DHX57: variants seen among roughly 807,000 people sequenced by gnomAD.
DHX57 encodes the protein DExH-box helicase 57, also known as putative ATP-dependent RNA helicase DHX57.
A neutral mutation model predicts 156.2 loss-of-function variants in DHX57; 105 were observed. That is an observed-to-expected ratio of 0.67 (90% CI 0.57 to 0.79). The LOEUF is 0.79. Ranked by LOEUF, DHX57 falls within the 30% of genes least tolerant of loss-of-function variation. The probability of loss-of-function intolerance (pLI) is 0.00; values close to 1 mark genes in which losing one functional copy is unlikely to be tolerated. For synonymous variants in DHX57, 704 were observed against 595.6 expected (o/e 1.18, Z -2.65); for missense variants, 1,847 against 1,661.9 (o/e 1.11, Z -1.94).
At chr2:38,811,302 G>C (rs1022947132) in intron 21 of DHX57, 1 of 526,062 alleles carries the variant, frequency 1.9e-6, no homozygotes, top group Admixed American at 2.2e-5. Flanking sequence ...AACCAGACCT[G>C]ATCGTTCCCC....
intron 13 of DHX57, among the ~76,000 whole-genome samples, chr2:38,834,698 T>C (rs1671563763): frequency 6.6e-6 from 1 of 152,032 alleles, no homozygotes. Context: ...AGTCATGACA[T>C]CACAAGCAAA....
rs374119423 is a variant in DHX57 at position 38,855,125 on chromosome 2, C to T, written c.1837G>A (p.Val613Ile). ...ACCCTCTCTGCTCTTTCTTTAGCAACGCGTTCAGCAACAGAGATTGCAGAG... is the reference window on the plus strand; with the variant it reads ...ACCCTCTCTGCTCTTTCTTTAGCAATGCGTTCAGCAACAGAGATTGCAGAG... ...RISAISVAER[V>I]AKERAERVGL... The change falls in exon 8 of 24, where the codon GTT becomes ATT. Residue 613 changes from valine (V) to isoleucine (I), a missense_variant. Val to Ile is a conservative substitution (Grantham distance 29). Transcript: ENST00000457308. 1.1e-5 allele frequency: 18 copies of T among 1,613,972 alleles called. No individual in the cohort carries two copies. The highest frequency in any genetic ancestry group is 1.6e-4 in the Middle Eastern group (1 of 6,084).
chr2:38,869,695 A>G (rs1665264920), intron 1 of DHX57, among the ~76,000 whole-genome samples: 1 of 152,234 alleles, frequency 6.6e-6, no homozygotes, highest in Non-Finnish European at 1.5e-5. Context: ...TAAACCAGCA[A>G]ATAACAATAA....
chr2:38,873,356 T>C (rs533386930), intron 1 of DHX57, among the ~76,000 whole-genome samples: 1 of 152,212 alleles, frequency 6.6e-6, no homozygotes, highest in Non-Finnish European at 1.5e-5. Context: ...AAAATGGAAT[T>C]AGAAATCAAA....
chr2:38,851,253 A>G (rs902223050), intron 9 of DHX57, among the ~76,000 whole-genome samples: 3 of 152,192 alleles, frequency 2.0e-5, no homozygotes, highest in African/African-American at 7.2e-5. Flanking sequence ...ACATGTAACT[A>G]GCAATTTTAT....
chr2:38,799,730 AC>A (rs1669578692), intron 23 of DHX57, among the ~76,000 whole-genome samples: 1 of 137,772 alleles, frequency 7.3e-6, no homozygotes, highest in Non-Finnish European at 1.5e-5. Flanking sequence ...AGCCTGGGCA[AC>A]AAGAGCAAAA....
Position 38,815,506 on chromosome 2 carries a change from CTCCACAT to C in DHX57, c.3606+8_3606+14del. The stretch of plus-strand genomic sequence containing the variant: ...CTAATTAAAGAGAAATGAGAACCAA[CTCCACAT>C]TCTTTACCTCTTCTCCTGTGGCATC... On this transcript the variant is annotated splice_region_variant and intron_variant, in intron 20 of 23. Transcript: ENST00000457308. The C allele has an allele frequency of 1.9e-6, 3 of 1,613,856 alleles. No homozygotes were observed. The highest frequency in any genetic ancestry group is 2.5e-6 in the Non-Finnish European group (3 of 1,179,840).
intron 11 of DHX57, among the ~76,000 whole-genome samples, chr2:38,846,426 G>C (rs1672290979): frequency 6.6e-6 from 1 of 151,844 alleles, no homozygotes; most frequent in Admixed American, 6.6e-5. Context: ...TTTGAGACCA[G>C]CCTGGGCAAC....
At chr2:38,871,288 T>C (rs1045838156) in intron 1 of DHX57, among the ~76,000 whole-genome samples, 1 of 152,182 alleles carries the variant, frequency 6.6e-6, no homozygotes. Context: ...GAAGGTAATA[T>C]GTATGTAATA....
intron 23 of DHX57, among the ~76,000 whole-genome samples, chr2:38,799,322 C>T (rs1281767136): frequency 6.6e-6 from 1 of 150,580 alleles, no homozygotes; most frequent in Non-Finnish European, 1.5e-5. Context: ...GCCAAGATTG[C>T]GCCATTGCAC....
intron 12 of DHX57, among the ~76,000 whole-genome samples, chr2:38,841,750 A>G (rs1488345564): frequency 1.3e-5 from 2 of 152,196 alleles, no homozygotes; most frequent in African/African-American, 4.8e-5. Flanking sequence ...TTCAAGGAAG[A>G]AAGCAAAAGT....
chr2:38,871,995 A>T (rs1379106838), intron 1 of DHX57, among the ~76,000 whole-genome samples: 2 of 152,160 alleles, frequency 1.3e-5, no homozygotes, highest in African/African-American at 4.8e-5. Context: ...GGCGTGAGCC[A>T]CCGCGCCCGG....
At chr2:38,834,073 T>C (rs1275870715) in intron 13 of DHX57, among the ~76,000 whole-genome samples, 1 of 152,158 alleles carries the variant, frequency 6.6e-6, no homozygotes, top group Non-Finnish European at 1.5e-5. Context: ...CTCATGCCTG[T>C]AATCCCAGCA....
At chr2:38,803,426 G>A (rs1372166844) in intron 22 of DHX57, among the ~76,000 whole-genome samples, 1 of 151,780 alleles carries the variant, frequency 6.6e-6, no homozygotes, top group Non-Finnish European at 1.5e-5. Flanking sequence ...ACTAAGTCTA[G>A]TCAGCTCTCT....
intron 1 of DHX57, among the ~76,000 whole-genome samples, chr2:38,874,653 C>G (rs1324331990): frequency 1.3e-5 from 2 of 152,120 alleles, no homozygotes; most frequent in Non-Finnish European, 2.9e-5. Context: ...TCGTGATCCG[C>G]CCGCCTCGGC....
rs761112361 is a variant in DHX57, at chr2:38,868,364, T to C, written c.42A>G (p.Gly14=). The C allele has an allele frequency of 6.2e-7, 1 of 1,611,784 alleles. No homozygotes were observed. The highest frequency in any genetic ancestry group is 8.5e-7 in the Non-Finnish European group (1 of 1,178,890). ...SVRRKGKPGK[G]GGKGSSRGGR... ...CTCCTCTAGAAGACCCTTTTCCACC[T>C]CCTTTGCCTGGCTTGCCTTTTCTTC... The change falls in exon 2 of 24, where the codon GGA becomes GGG. Residue 14 remains glycine, a synonymous_variant. Transcript: ENST00000457308.
At chr2:38,847,629 C>T (rs947843751) in intron 10 of DHX57, among the ~76,000 whole-genome samples, 6 of 152,190 alleles carry the variant, frequency 3.9e-5, no homozygotes, top group African/African-American at 1.4e-4. Flanking sequence ...GGACCAACAC[C>T]CAGAAATTTA....
At chr2:38,801,761 A>AT (rs1558348701) in intron 23 of DHX57, among the ~76,000 whole-genome samples, 3 of 152,146 alleles carry the variant, frequency 2.0e-5, no homozygotes, top group South Asian at 4.1e-4. Flanking sequence ...CACCTGGTTA[A>AT]TTTTTTAAAA....
chr2:38,830,487 G>C (rs946716195), intron 13 of DHX57, among the ~76,000 whole-genome samples: 1 of 152,046 alleles, frequency 6.6e-6, no homozygotes, highest in Admixed American at 6.6e-5. Flanking sequence ...AATTAGCCTG[G>C]CATGGTGGTG....
Sources: allele counts gnomAD v4.1 joint callset (sites outside exome capture counted in the v4.1 genomes callset), GRCh38; gene constraint gnomAD v4.1.1; transcripts MANE v1.5; gene names NCBI Gene and HGNC (gene_info 2026-07-23, HGNC 2026-07-21).